SPRED2: variants seen among roughly 807,000 people sequenced by gnomAD.
SPRED2 encodes the protein sprouty-related, EVH1 domain-containing protein 2.
SPRED2 carries 47 observed loss-of-function variants against 43.0 expected under a neutral mutation model. That is an observed-to-expected ratio of 1.09 (90% CI 0.87 to 1.40). SPRED2 has a LOEUF of 1.40. Ranked by LOEUF, SPRED2 falls within the 40% of genes most tolerant of loss-of-function variation. The pLI, the probability that SPRED2 is intolerant of heterozygous loss-of-function variation, is 0.00. For missense variants in SPRED2, 561 were observed against 586.4 expected, an observed-to-expected ratio of 0.96 and a Z score of 0.45; for synonymous variants, 225 against 225.7, an observed-to-expected ratio of 1.00 and a Z score of 0.03.
Position 65,401,935 on chromosome 2 carries a change from G to GCA in SPRED2, c.26+30026_26+30027insTG, listed in dbSNP as rs544327137. Among the ~76,000 whole-genome samples, 62 of 89,378 alleles carry GCA rather than the reference G, an allele frequency of 6.9e-4. No homozygotes were observed. The South Asian group carries it at 7.8e-3, about 11-fold the overall frequency. The allele number at this position is 89,378 out of a possible 152,430, so 58.6% of individuals were successfully genotyped here. A position where few individuals can be genotyped will look rare whatever the true frequency, so the allele number is the denominator to read the frequency against. Reference sequence around the variant, plus strand: ...AAACGATCAGAATATTAGCGCGCGCGCGCACACACACACACACACACACAC... The same window carrying GCA: ...AAACGATCAGAATATTAGCGCGCGCGCACGCACACACACACACACACACACAC... On this transcript the variant is annotated intron_variant, in intron 1 of 5. Transcript: ENST00000356388.
rs141771792 is a variant in SPRED2, at chr2:65,379,559, C to T, written c.27-34663G>A. Among the ~76,000 whole-genome samples, 122 of 152,336 alleles carry T rather than the reference C, an allele frequency of 8.0e-4. No homozygotes were observed. In the Middle Eastern group the frequency reaches 0.01, roughly 13 times the overall value. On this transcript the variant is annotated intron_variant, in intron 1 of 5. Transcript: ENST00000356388. ...TTCTCAGAGCCTGGGAGAGGTGGAA[C>T]ACTTGCTCTGTTGAGTCCCCTCATC...
At chr2:65,373,902 G>T (rs1675183250) in intron 1 of SPRED2, 1 of 152,160 alleles carries the variant, frequency 6.6e-6, no homozygotes, top group Admixed American at 6.5e-5. Context: ...TCTGTGATGT[G>T]TATTTTTTTC....
intron 1 of SPRED2, among the ~76,000 whole-genome samples, chr2:65,355,290 A>G (rs996466470): frequency 6.6e-6 from 1 of 152,202 alleles, no homozygotes; most frequent in Non-Finnish European, 1.5e-5. Context: ...TCTACAATTA[A>G]TTTAGGAAAT....
intron 1 of SPRED2, among the ~76,000 whole-genome samples, chr2:65,354,048 C>G (rs970394573): frequency 1.3e-5 from 2 of 152,128 alleles, no homozygotes; most frequent in Admixed American, 6.5e-5. Context: ...AGCAAAGACA[C>G]AAAGGAACAA....
At chr2:65,359,257 C>CA in intron 1 of SPRED2, among the ~76,000 whole-genome samples, 1 of 152,302 alleles carries the variant, frequency 6.6e-6, no homozygotes, top group South Asian at 2.1e-4. Flanking sequence ...GCCATCCACT[C>CA]AGTACACATA....
chr2:65,343,874 C>T (rs561248687), intron 2 of SPRED2, among the ~76,000 whole-genome samples: 4 of 152,178 alleles, frequency 2.6e-5, no homozygotes, highest in South Asian at 2.1e-4. Flanking sequence ...GGGCCAGGCA[C>T]GGTGGCTCAT....
chr2:65,380,448 G>C (rs991919086), intron 1 of SPRED2, among the ~76,000 whole-genome samples: 11 of 151,998 alleles, frequency 7.2e-5, no homozygotes, highest in Non-Finnish European at 1.0e-4. Flanking sequence ...CCTTTCTTAT[G>C]GAACTGCCTT....
chr2:65,314,045 C>T lies in SPRED2; in HGVS notation c.713G>A (p.Gly238Asp). ...YEDYRHAPVR[G>D]KYPDPSEDAD... ...GTCCTCCGAGGGGTCCGGGTACTTGCCCCTGACGGGTGCGTGCCGGTAATC... is the reference window on the plus strand; with the variant it reads ...GTCCTCCGAGGGGTCCGGGTACTTGTCCCTGACGGGTGCGTGCCGGTAATC... Residue 238 changes from glycine to aspartate, a missense_variant, in exon 6 of 6, where the codon GGC (glycine) becomes GAC (aspartate). By Grantham distance (94) the Gly-to-Asp change is moderately conservative. Coordinates refer to ENST00000356388, the MANE Select transcript of SPRED2 (RefSeq NM_181784.3). The T allele has an allele frequency of 2.5e-6, 4 of 1,614,146 alleles. No individual in the cohort carries two copies. Among genetic ancestry groups the T allele is most frequent in the Non-Finnish European group, 2.5e-6 (3 of 1,180,026 alleles).
At chr2:65,362,840 A>G (rs917023821) in intron 1 of SPRED2, among the ~76,000 whole-genome samples, 27 of 147,560 alleles carry the variant, frequency 1.8e-4, no homozygotes, top group African/African-American at 6.8e-4. Context: ...CCTGGGCAAC[A>G]AGAGTGAAAC....
intron 1 of SPRED2, among the ~76,000 whole-genome samples, chr2:65,413,335 G>C (rs898443691): frequency 6.6e-6 from 1 of 152,174 alleles, no homozygotes. Flanking sequence ...AGACTGCACA[G>C]GGAGGCCAGC....
chr2:65,345,223 T>C (rs1196569937), intron 1 of SPRED2, among the ~76,000 whole-genome samples: 1 of 151,674 alleles, frequency 6.6e-6, no homozygotes, highest in African/African-American at 2.4e-5. Flanking sequence ...ATCTTTAGGT[T>C]GGAAAGACAC....
chr2:65,328,224 G>A (rs1275233590), intron 4 of SPRED2, among the ~76,000 whole-genome samples: 1 of 152,140 alleles, frequency 6.6e-6, no homozygotes, highest in Non-Finnish European at 1.5e-5. Context: ...GTAGGGACAG[G>A]GGAACCTCAG....
rs1216284468 is a variant in SPRED2 at position 65,339,272 on chromosome 2, C to A, written c.205-4499G>T. Among the ~76,000 whole-genome samples the A allele has an allele frequency of 4.2e-5, 6 of 141,910 alleles. No homozygotes were observed. The East Asian group carries it at 1.5e-3, about 35-fold the overall frequency. 93.1% of individuals were successfully genotyped at this position (141,910 alleles called of 152,430 possible). A position where few individuals can be genotyped will look rare whatever the true frequency, so the allele number is the denominator to read the frequency against. On this transcript the variant is annotated intron_variant, in intron 2 of 5. Coordinates refer to ENST00000356388, the MANE Select transcript of SPRED2 (RefSeq NM_181784.3). ...GGGCCATGATGACGATGGCGGTTTT[C>A]TGGAATGGAAGGGGGGGCAGGGTGG...
chr2:65,308,408 G>A, downstream of SPRED2: 7 of 985,434 alleles, frequency 7.1e-6, no homozygotes, highest in Non-Finnish European at 8.4e-6. Flanking sequence ...ACCTGGAGGG[G>A]TCAGCAAGAA....
At chr2:65,415,605 T>C (rs1676254027) in intron 1 of SPRED2, among the ~76,000 whole-genome samples, 1 of 152,238 alleles carries the variant, frequency 6.6e-6, no homozygotes. Context: ...AAGACATCTG[T>C]GTTACATCAC....
chr2:65,379,511 CA>C (rs1481977368), intron 1 of SPRED2, among the ~76,000 whole-genome samples: 1 of 152,122 alleles, frequency 6.6e-6, no homozygotes, highest in Non-Finnish European at 1.5e-5. Context: ...TTTCTTGTGG[CA>C]AAAAGATAGA....
chr2:65,418,178 T>C (rs1483177849), intron 1 of SPRED2, among the ~76,000 whole-genome samples: 1 of 152,244 alleles, frequency 6.6e-6, no homozygotes, highest in Non-Finnish European at 1.5e-5. Flanking sequence ...TGTTTGATTC[T>C]ACCAACATAT....
intron 1 of SPRED2, chr2:65,374,003 A>C (rs1302341184): frequency 6.6e-6 from 1 of 152,260 alleles, no homozygotes; most frequent in Non-Finnish European, 1.5e-5. Context: ...AGACGAATGT[A>C]AGAGTCTTAC....
intron 1 of SPRED2, 81 bp downstream of exon 1, chr2:65,431,881 G>T: frequency 3.3e-6 from 5 of 1,537,666 alleles, no homozygotes; most frequent in Non-Finnish European, 3.6e-6. Flanking sequence ...CACCCAATAA[G>T]CGTCCCCGCC....
Sources: gnomAD v4.1 joint callset for allele counts (sites outside exome capture counted in the v4.1 genomes callset) on GRCh38, gnomAD v4.1.1 for gene constraint, MANE v1.5 for transcripts, NCBI Gene and HGNC (gene_info 2026-07-23, HGNC 2026-07-21) for gene names.